The following C13orf42 variants were observed in gnomAD, a reference collection of about 807,000 sequenced individuals.
C13orf42 encodes the protein uncharacterized protein C13orf42.
At chr13:51,134,454 G>A (rs374670326) in intron 1 of C13orf42, among the ~76,000 whole-genome samples, 95 of 152,312 alleles carry the variant, frequency 6.2e-4, no homozygotes, top group Middle Eastern at 3.4e-3. Flanking sequence ...CAAAGGGGCC[G>A]TTACAGAGTG....
chr13:51,087,385 CCATTT>C (rs1298442052), intron 2 of C13orf42, among the ~76,000 whole-genome samples: 1 of 152,140 alleles, frequency 6.6e-6, no homozygotes, highest in African/African-American at 2.4e-5. Flanking sequence ...TACAGTTTGT[CCATTT>C]CATTTCTTTT....
rs563547270 is a variant in C13orf42, at chr13:51,166,085, C to G, written n.136+6168G>C. On this transcript the variant is annotated intron_variant and non_coding_transcript_variant, in intron 1 of 4. Coordinates refer to the C13orf42 transcript ENST00000433280. ...CTGAATACCTACTATGGACTAAGTA[C>G]TGCTCTAACTTACATAACATCAGTT... Among the ~76,000 whole-genome samples, 21 of 152,314 alleles carry G rather than the reference C, an allele frequency of 1.4e-4. No individual in the cohort carries two copies. In the South Asian group the frequency reaches 4.4e-3, roughly 32 times the overall value.
intron 1 of C13orf42, among the ~76,000 whole-genome samples, chr13:51,126,007 A>G (rs775522901): frequency 2.6e-5 from 4 of 152,230 alleles, no homozygotes; most frequent in Non-Finnish European, 5.9e-5. Context: ...CCACGCCATT[A>G]CAATAACAGG....
At chr13:51,119,991 A>G (rs1244001988) in intron 1 of C13orf42, among the ~76,000 whole-genome samples, 1 of 150,746 alleles carries the variant, frequency 6.6e-6, no homozygotes, top group Non-Finnish European at 1.5e-5. Context: ...TAAAAAAAAA[A>G]GAAAGCATCC....
upstream of C13orf42, among the ~76,000 whole-genome samples, chr13:51,115,335 T>A (rs1953479890): frequency 6.6e-6 from 1 of 152,196 alleles, no homozygotes; most frequent in Non-Finnish European, 1.5e-5. Context: ...TGGTGCCCCC[T>A]ATCGTGACTA....
At chr13:51,156,508 C>G (rs1432178008) in intron 1 of C13orf42, among the ~76,000 whole-genome samples, 2 of 152,146 alleles carry the variant, frequency 1.3e-5, no homozygotes, top group African/African-American at 2.4e-5. Flanking sequence ...GAACTCAAAC[C>G]CAGGAAATCT....
In C13orf42 at chr13:51,085,512, G is replaced by A. The variant is rs754248797; in HGVS notation, c.610C>T (p.Arg204Trp). 12 of 398,640 alleles carry A rather than the reference G, an allele frequency of 3.0e-5. No homozygotes were observed. Among genetic ancestry groups the A allele is most frequent in the East Asian group, 2.5e-4 (7 of 28,058 alleles). The allele number at this position is 398,640 out of a possible 1,614,324, so 24.7% of individuals were successfully genotyped here. Residue 204 changes from arginine to tryptophan, a missense_variant, in exon 3 of 4, where the codon CGG (arginine) becomes TGG (tryptophan). Coordinates refer to ENST00000563710, the MANE Select transcript of C13orf42 (RefSeq NM_001351589.3). ...TCCTCGGAGTGTCTGCGCGGTGCCC[G>A]CAGGATCCAGTTAGAATGCAAGCTG... ...EHSLHSNWIL[R>W]APRRHSEDIA...
chr13:51,135,209 T>C (rs766593069), intron 1 of C13orf42, among the ~76,000 whole-genome samples: 2 of 152,158 alleles, frequency 1.3e-5, no homozygotes, highest in Non-Finnish European at 2.9e-5. Flanking sequence ...AGGTTCTCAG[T>C]GCAGCTGCGG....
At chr13:51,160,019 C>T (rs1377635219) in intron 1 of C13orf42, among the ~76,000 whole-genome samples, 2 of 152,006 alleles carry the variant, frequency 1.3e-5, no homozygotes, top group African/African-American at 4.8e-5. Context: ...GTGAGACTTA[C>T]TCACTATCTC....
chr13:51,149,188 T>C (rs1953760155), intron 1 of C13orf42, among the ~76,000 whole-genome samples: 1 of 152,126 alleles, frequency 6.6e-6, no homozygotes, highest in Non-Finnish European at 1.5e-5. Context: ...TCTTGATCTC[T>C]GCAGCTAAAG....
At chr13:51,168,898 G>C (rs1953922318) in intron 1 of C13orf42, among the ~76,000 whole-genome samples, 1 of 152,102 alleles carries the variant, frequency 6.6e-6, no homozygotes, top group Admixed American at 6.5e-5. Flanking sequence ...CGCCATCTAA[G>C]ATAAGCCTCT....
chr13:51,150,347 G>A (rs1249628128), intron 1 of C13orf42, among the ~76,000 whole-genome samples: 2 of 152,118 alleles, frequency 1.3e-5, no homozygotes, highest in Admixed American at 6.5e-5. Flanking sequence ...CTACTGGGGC[G>A]ACTGGGGGAA....
At chr13:51,158,649 C>T (rs568042431) in intron 1 of C13orf42, among the ~76,000 whole-genome samples, 4 of 152,290 alleles carry the variant, frequency 2.6e-5, no homozygotes, top group African/African-American at 7.2e-5. Context: ...GAAGGTCCCA[C>T]GCAACACCAC....
At chr13:51,087,013 T>G (rs1326814658) in intron 2 of C13orf42, among the ~76,000 whole-genome samples, 2 of 152,200 alleles carry the variant, frequency 1.3e-5, no homozygotes, top group South Asian at 2.1e-4. Context: ...AAAACACTCA[T>G]GAATTATTTA....
chr13:51,162,075 T>G, intron 1 of C13orf42: 1 of 338,626 alleles, frequency 3.0e-6, no homozygotes, highest in Non-Finnish European at 5.8e-6. Flanking sequence ...AGGCCAACCT[T>G]TACACCGTAT....
intron 1 of C13orf42, among the ~76,000 whole-genome samples, chr13:51,090,992 A>G (rs763684147): frequency 3.3e-5 from 5 of 152,224 alleles, no homozygotes; most frequent in Non-Finnish European, 5.9e-5. Flanking sequence ...GAGATTCCAA[A>G]TATTCAAACA....
At chr13:51,141,240 T>G (rs1034144126) in intron 1 of C13orf42, among the ~76,000 whole-genome samples, 4 of 146,930 alleles carry the variant, frequency 2.7e-5, no homozygotes, top group Non-Finnish European at 6.0e-5. Context: ...TTTTTTTTTG[T>G]TTTTTTTTTC....
At chr13:51,120,528 A>T (rs1161483577) in intron 1 of C13orf42, among the ~76,000 whole-genome samples, 1 of 152,202 alleles carries the variant, frequency 6.6e-6, no homozygotes, top group African/African-American at 2.4e-5. Context: ...ATCATAAAAA[A>T]TGGTTATCTG....
At chr13:51,129,208 T>G (rs1320636338) in intron 1 of C13orf42, among the ~76,000 whole-genome samples, 1 of 152,204 alleles carries the variant, frequency 6.6e-6, no homozygotes, top group African/African-American at 2.4e-5. Context: ...GTGCAGGCAG[T>G]CAGACACTCA....
Sources: allele counts gnomAD v4.1 joint callset (sites outside exome capture counted in the v4.1 genomes callset), GRCh38; gene constraint gnomAD v4.1.1; transcripts MANE v1.5; gene names NCBI Gene and HGNC (gene_info 2026-07-23, HGNC 2026-07-21).